Variants in USP34 observed in about 807,000 individuals in gnomAD.
USP34 encodes ubiquitin specific peptidase 34.
Under a neutral mutation model 460.3 loss-of-function variants are expected in USP34, and 70 were observed. That is an observed-to-expected ratio of 0.15 (90% CI 0.13 to 0.19). USP34 has a LOEUF of 0.19. Among genes scored for constraint, USP34 ranks in the 10% least tolerant of loss-of-function variants. The pLI is 1.00. For synonymous variants in USP34, 1,647 were observed against 1,405.3 expected, an observed-to-expected ratio of 1.17 and a Z score of -3.85; for missense variants, 3,985 against 4,236.2, an observed-to-expected ratio of 0.94 and a Z score of 1.65.
chr2:61,445,321 G>A (rs187165449), intron 1 of USP34, among the ~76,000 whole-genome samples: 3 of 150,726 alleles, frequency 2.0e-5, no homozygotes, highest in East Asian at 3.9e-4. Flanking sequence ...GGATCACAAG[G>A]TCAGGAGATC....
intron 1 of USP34, among the ~76,000 whole-genome samples, chr2:61,425,395 G>A (rs1380501370): frequency 6.6e-6 from 1 of 151,932 alleles, no homozygotes; most frequent in Non-Finnish European, 1.5e-5. Flanking sequence ...CACACTTCCT[G>A]TTCCCCCAGC....
chr2:61,391,815 T>A (rs1693355691), intron 5 of USP34, among the ~76,000 whole-genome samples: 1 of 152,152 alleles, frequency 6.6e-6, no homozygotes. Flanking sequence ...ATATTAACCA[T>A]ATAAAAGAAA....
rs1212451409 is a variant in USP34 at position 61,220,409 on chromosome 2, T to C, written c.7948A>G (p.Thr2650Ala). ...CTGTGTGCCAGTTTATTTCGGGGTGTCTGCACTGCCAACCAATCTAGACAC... is the reference window on the plus strand; with the variant it reads ...CTGTGTGCCAGTTTATTTCGGGGTGCCTGCACTGCCAACCAATCTAGACAC... Reference protein sequence around the residue: ...SQCLDWLAVQTPRNKLAHSWV... With the variant: ...SQCLDWLAVQAPRNKLAHSWV... The change falls in exon 67 of 80, where the codon ACA (threonine) becomes GCA (alanine). Residue 2650 changes from threonine (T) to alanine (A), a missense_variant. Coordinates refer to ENST00000398571, the MANE Select transcript of USP34 (RefSeq NM_014709.4). 1.2e-6 allele frequency: 2 copies of C among 1,613,954 alleles called. No individual in the cohort carries two copies. Among genetic ancestry groups the C allele is most frequent in the South Asian group, 2.2e-5 (2 of 91,056 alleles).
At chr2:61,218,151 G>C (rs1198437770) in intron 67 of USP34, among the ~76,000 whole-genome samples, 2 of 149,820 alleles carry the variant, frequency 1.3e-5, no homozygotes, top group African/African-American at 4.9e-5. Flanking sequence ...AACCTTTTTG[G>C]GGGTTCAGCA....
chr2:61,453,351 T>C lies in USP34; in HGVS notation c.43+17299A>G, dbSNP rs114849872. On this transcript the variant is annotated intron_variant, in intron 1 of 79. Coordinates refer to ENST00000398571, the MANE Select transcript of USP34 (RefSeq NM_014709.4). ...ACTGCTTAAGCCTGGAAAGTAGCGTTTGCAGTGAGCCATGGTCACGCCACT... is the reference window on the plus strand; with the variant it reads ...ACTGCTTAAGCCTGGAAAGTAGCGTCTGCAGTGAGCCATGGTCACGCCACT... Among the ~76,000 whole-genome samples, 1,116 of 151,870 alleles carry C rather than the reference T, an allele frequency of 7.3e-3. 16 individuals are homozygous for C. Among genetic ancestry groups the C allele is most frequent in the African/African-American group, 0.025 (1,046 of 41,390 alleles).
intron 21 of USP34, among the ~76,000 whole-genome samples, chr2:61,320,231 G>A (rs1431583891): frequency 6.6e-6 from 1 of 152,182 alleles, no homozygotes; most frequent in Non-Finnish European, 1.5e-5. Flanking sequence ...TCAGGGTTGT[G>A]GGTGGCCAAA....
chr2:61,395,091 CAAA>C (rs1156965472), intron 4 of USP34, 89 bp from the exon 5 acceptor site: 1 of 1,449,098 alleles, frequency 6.9e-7, no homozygotes, highest in African/African-American at 1.5e-5. Flanking sequence ...ATGAGAAACT[CAAA>C]AGACATATAT....
At chr2:61,308,842 A>C (rs1033042816) in intron 27 of USP34, among the ~76,000 whole-genome samples, 3 of 152,162 alleles carry the variant, frequency 2.0e-5, no homozygotes, top group African/African-American at 7.2e-5. Context: ...AGAGTTTGAG[A>C]TGAGCCTAGG....
At chr2:61,217,248 A>G (rs949739278) in intron 67 of USP34, among the ~76,000 whole-genome samples, 29 of 152,240 alleles carry the variant, frequency 1.9e-4, no homozygotes, top group Non-Finnish European at 4.0e-4. Flanking sequence ...CTGCCTTCCT[A>G]TAACTTAAGA....
At chr2:61,413,478 G>A (rs1425002803) in intron 2 of USP34, among the ~76,000 whole-genome samples, 1 of 149,654 alleles carries the variant, frequency 6.7e-6, no homozygotes, top group African/African-American at 2.5e-5. Flanking sequence ...AGGCCAAGGC[G>A]GGTGGACTGC....
rs1694213703 is a variant in USP34 at position 61,416,914 on chromosome 2, G to C, written c.131+3832C>G. On this transcript the variant is annotated intron_variant, in intron 2 of 79. Transcript: ENST00000398571. ...GTGCAGGGCCAGCCACTTGTCCAGA[G>C]GGCCATGAATGGCGACATACTTGAC... 4 of 1,056,376 alleles carry C rather than the reference G, an allele frequency of 3.8e-6. No individual in the cohort carries two copies. In the South Asian group the frequency reaches 5.3e-5, roughly 14 times the overall value. The allele number at this position is 1,056,376 out of a possible 1,614,324, so 65.4% of individuals were successfully genotyped here.
At chr2:61,369,945 AC>A (rs1692565344) in intron 10 of USP34, among the ~76,000 whole-genome samples, 3 of 150,428 alleles carry the variant, frequency 2.0e-5, no homozygotes, top group Admixed American at 1.3e-4. Flanking sequence ...TTTTATATTT[AC>A]TTTTGGAATT....
chr2:61,404,019 G>A (rs892096609), intron 3 of USP34, among the ~76,000 whole-genome samples: 149 of 70,888 alleles, frequency 2.1e-3, no homozygotes, highest in East Asian at 3.6e-3. Context: ...AAAAAAAAAA[G>A]CTTTAGAACA....
At position 61,221,450 on chromosome 2, in the gene USP34, A is replaced by T. The variant is rs144736143; in HGVS notation, c.7899+52T>A. 7.2e-4 allele frequency: 1,087 copies of T among 1,504,900 alleles called. 8 individuals carry two copies. The African/African-American group carries it at 0.011, about 15-fold the overall frequency. 93.2% of individuals were successfully genotyped at this position (1,504,900 alleles called of 1,614,324 possible). A position where few individuals can be genotyped will look rare whatever the true frequency, so the allele number is the denominator to read the frequency against. ...TAAAATGGTAGTGACTATATTATAAAAATAAAATCCTCAGGAAAATAAACA... is the reference window on the plus strand; with the variant it reads ...TAAAATGGTAGTGACTATATTATAATAATAAAATCCTCAGGAAAATAAACA... On this transcript the variant is annotated intron_variant, in intron 66 of 79. Coordinates refer to ENST00000398571, the MANE Select transcript of USP34 (RefSeq NM_014709.4).
At chr2:61,410,243 T>C (rs1439720069) in intron 2 of USP34, among the ~76,000 whole-genome samples, 2 of 152,176 alleles carry the variant, frequency 1.3e-5, no homozygotes, top group Non-Finnish European at 2.9e-5. Flanking sequence ...AACTAGACGG[T>C]ACCATCTGGG....
At chr2:61,391,931 T>C (rs933129239) in intron 5 of USP34, among the ~76,000 whole-genome samples, 7 of 152,216 alleles carry the variant, frequency 4.6e-5, no homozygotes, top group Non-Finnish European at 2.9e-5. Flanking sequence ...AAACAGATTA[T>C]ATAGTATTAT....
chr2:61,221,276 G>A (rs1687574699), intron 66 of USP34, among the ~76,000 whole-genome samples: 1 of 152,132 alleles, frequency 6.6e-6, no homozygotes, highest in South Asian at 2.1e-4. Flanking sequence ...ACTTTGGAGG[G>A]TAGGGGAATG....
chr2:61,362,669 TA>T (rs1426396109), intron 10 of USP34, among the ~76,000 whole-genome samples: 1 of 152,118 alleles, frequency 6.6e-6, no homozygotes, highest in Non-Finnish European at 1.5e-5. Flanking sequence ...TAAAAGAGTA[TA>T]AAGTTTAAGT....
At chr2:61,318,815 T>A (rs1690828127) in intron 22 of USP34, among the ~76,000 whole-genome samples, 1 of 152,158 alleles carries the variant, frequency 6.6e-6, no homozygotes, top group Admixed American at 6.6e-5. Context: ...AGAAAACAGC[T>A]CTCACACTTG....
Sources: gnomAD v4.1 joint callset for allele counts (sites outside exome capture counted in the v4.1 genomes callset) on GRCh38, gnomAD v4.1.1 for gene constraint, MANE v1.5 for transcripts, NCBI Gene and HGNC (gene_info 2026-07-23, HGNC 2026-07-21) for gene names.